PCDHGB6: variants seen among roughly 807,000 people sequenced by gnomAD.
The protein encoded by PCDHGB6 is protocadherin gamma-B6.
PCDHGB6 carries 51 observed loss-of-function variants against 59.1 expected under a neutral mutation model. That is an observed-to-expected ratio of 0.86 (90% CI 0.69 to 1.09). The LOEUF is 1.09. PCDHGB6 is among the 50% of genes least tolerant of loss of function. The pLI is 0.00. For missense variants in PCDHGB6, 1,148 were observed against 1,205.1 expected (o/e 0.95, Z 0.70); for synonymous variants, 466 against 495.1 (o/e 0.94, Z 0.78).
rs1236813956 is a variant in PCDHGB6, at chr5:141,480,634, TTTCAAAC to T, written c.2419-14170_2419-14164del. On this transcript the variant is annotated intron_variant, in intron 1 of 3. Transcript: ENST00000520790. The stretch of plus-strand genomic sequence containing the variant: ...ACTGGCATTTTCCCTAGAACAATGT[TTTCAAAC>T]TTGGTTGCACATTAAAATCACCTAG... Among the ~76,000 whole-genome samples the T allele has an allele frequency of 3.9e-5, 6 of 152,332 alleles. No individual in the cohort carries two copies. In the East Asian group the frequency reaches 1.2e-3, roughly 29 times the overall value.
Position 141,432,405 on chromosome 5 carries a change from GC to G in PCDHGB6, c.2418+21787del. On this transcript the variant is annotated intron_variant, in intron 1 of 3. Coordinates refer to ENST00000520790, the MANE Select transcript of PCDHGB6 (RefSeq NM_018926.3). This position sits in a 1 kb window ranked among gnomAD's most constrained non-coding sequence, Gnocchi z 6.0. ...CCCCTCAGCAGCAACGTGTCGTTGA[GC>G]CTGTTCGTGCTGGACCAGAACGACA... The G allele has an allele frequency of 6.2e-7, 1 of 1,614,246 alleles. No individual in the cohort carries two copies. Among genetic ancestry groups the G allele is most frequent in the South Asian group, 1.1e-5 (1 of 91,084 alleles).
chr5:141,410,796 G>T, intron 1 of PCDHGB6, 176 bp downstream of exon 1: 19 of 640,732 alleles, frequency 3.0e-5, no homozygotes, highest in South Asian at 1.4e-4. Flanking sequence ...TTCATAAGTT[G>T]CTCTATCTTT....
intron 1 of PCDHGB6, chr5:141,422,550 G>A: frequency 6.2e-7 from 1 of 1,613,978 alleles, no homozygotes; most frequent in Non-Finnish European, 8.5e-7. Flanking sequence ...ATGTCTGGCT[G>A]AATGTGGCAG....
Position 141,409,753 on chromosome 5 carries a change from G to T in PCDHGB6, c.1551G>T (p.Gln517His). ...CGCAGAGCGGGGTGGTGTTCGCGCA[G>T]CGCGCCTTTGATCACGAGCAGCTGC... The part of the protein sequence containing the change: ...VSAQSGVVFA[Q>H]RAFDHEQLRA... Residue 517 changes from glutamine (Q) to histidine (H), a missense_variant, in exon 1 of 4, where the codon CAG (glutamine) becomes CAT (histidine). Transcript: ENST00000520790. 6.2e-7 allele frequency: 1 copy of T among 1,613,006 alleles called. No homozygotes were observed.
chr5:141,455,400 C>G (rs537466326), intron 1 of PCDHGB6, among the ~76,000 whole-genome samples: 8 of 152,274 alleles, frequency 5.3e-5, no homozygotes, highest in Admixed American at 5.2e-4. Context: ...CTCCCCCTTA[C>G]AGAGACAGAG....
At chr5:141,475,778 T>A (rs1204790631) in intron 1 of PCDHGB6, among the ~76,000 whole-genome samples, 1 of 152,400 alleles carries the variant, frequency 6.6e-6, no homozygotes. Context: ...GCGCTTTGGC[T>A]GGAAACTCTG....
At chr5:141,483,224 G>A (rs530779494) in intron 1 of PCDHGB6, among the ~76,000 whole-genome samples, 17 of 152,242 alleles carry the variant, frequency 1.1e-4, no homozygotes, top group Middle Eastern at 3.4e-3. Flanking sequence ...AGTCACTGCA[G>A]AAATTTGAAC....
intron 3 of PCDHGB6, among the ~76,000 whole-genome samples, chr5:141,508,937 G>T (rs764041162): frequency 3.0e-4 from 45 of 152,040 alleles, no homozygotes; most frequent in Non-Finnish European, 6.3e-4. Flanking sequence ...AGTTAATTAG[G>T]GAAAACAGAG....
chr5:141,474,985 C>T (rs2099357651), intron 1 of PCDHGB6, among the ~76,000 whole-genome samples: 1 of 152,202 alleles, frequency 6.6e-6, no homozygotes, highest in Non-Finnish European at 1.5e-5. Context: ...TGTTTGGTGA[C>T]AACAATTCTA....
chr5:141,451,813 G>A (rs921877961), intron 1 of PCDHGB6, among the ~76,000 whole-genome samples: 13 of 150,788 alleles, frequency 8.6e-5, no homozygotes, highest in East Asian at 2.0e-4. Context: ...CCCAGGAGGC[G>A]GAGGTTACAG....
At chr5:141,475,819 G>A (rs1232669115) in intron 1 of PCDHGB6, 4 of 350,114 alleles carry the variant, frequency 1.1e-5, no homozygotes, top group Non-Finnish European at 1.6e-5. Context: ...GAAGTTCCTG[G>A]CGCTAGCGCG....
Position 141,477,952 on chromosome 5 carries a change from A to T in PCDHGB6, c.2419-16855A>T, listed in dbSNP as rs907708638. ...CCTGGCTCTCCTACAGTCTCTTGGG[A>T]TCCCCTAACCAGAGCCTTTTTGCCA... On this transcript the variant is annotated intron_variant, in intron 1 of 3. Coordinates refer to ENST00000520790, the MANE Select transcript of PCDHGB6 (RefSeq NM_018926.3). This position sits in a 1 kb window ranked among gnomAD's most constrained non-coding sequence, Gnocchi z 4.9. The T allele has an allele frequency of 1.9e-6, 3 of 1,613,920 alleles. No individual in the cohort carries two copies. The African/African-American group carries it at 4.0e-5, about 22-fold the overall frequency.
At chr5:141,440,822 A>T (rs1561900737) in intron 1 of PCDHGB6, 2 of 152,058 alleles carry the variant, frequency 1.3e-5, no homozygotes, top group Non-Finnish European at 2.9e-5. Context: ...TCAACTCCTG[A>T]TCCTATTGGT....
Position 141,489,805 on chromosome 5 carries a change from A to T in PCDHGB6, c.2419-5002A>T. On this transcript the variant is annotated intron_variant, in intron 1 of 3. Transcript: ENST00000520790. The surrounding 1 kb of genome is among the most constrained non-coding windows in gnomAD (Gnocchi z 4.5). ...GAATGTGAAGACCCTAAAAGATGGG[A>T]AGCCATTCCCAGAGCTGGTGCTAGA... 1 of 1,614,166 alleles carries T rather than the reference A, an allele frequency of 6.2e-7. No individual in the cohort carries two copies. Among genetic ancestry groups the T allele is most frequent in the Non-Finnish European group, 8.5e-7 (1 of 1,180,012 alleles).
intron 2 of PCDHGB6, among the ~76,000 whole-genome samples, chr5:141,502,908 C>G (rs1398336138): frequency 1.5e-5 from 2 of 132,418 alleles, no homozygotes; most frequent in Non-Finnish European, 3.0e-5. Flanking sequence ...TGTTGCCAGG[C>G]TGGAGTGCAG....
intron 2 of PCDHGB6, among the ~76,000 whole-genome samples, chr5:141,495,587 C>T (rs1391263118): frequency 6.6e-6 from 1 of 152,238 alleles, no homozygotes. Context: ...TTCTCCATCT[C>T]TGTCTTAGCT....
chr5:141,490,908 C>T lies in PCDHGB6; in HGVS notation c.2419-3899C>T, dbSNP rs201078924. On this transcript the variant is annotated intron_variant, in intron 1 of 3. Coordinates refer to ENST00000520790, the MANE Select transcript of PCDHGB6 (RefSeq NM_018926.3). This position sits in a 1 kb window ranked among gnomAD's most constrained non-coding sequence, Gnocchi z 5.4. The stretch of plus-strand genomic sequence containing the variant: ...CATCTCTGCATGTGTTTGTCCTAGA[C>T]GAGAATGATAATGCCCCAGCTGTGC... 42 of 1,613,710 alleles carry T rather than the reference C, an allele frequency of 2.6e-5. No homozygotes were observed. The highest frequency in any genetic ancestry group is 8.3e-5 in the Admixed American group (5 of 60,018).
rs187713374 is a variant in PCDHGB6, at chr5:141,430,744, C to G, written c.2418+20124C>G. 2.5e-4 allele frequency: 380 copies of G among 1,498,404 alleles called. 1 individual carries two copies. In the African/African-American group the frequency reaches 4.6e-3, roughly 18 times the overall value. The allele number at this position is 1,498,404 out of a possible 1,614,324, so 92.8% of individuals were successfully genotyped here. A position where few individuals can be genotyped will look rare whatever the true frequency, so the allele number is the denominator to read the frequency against. ...GTTAAGGGCAGAATTGAAAATAATTCTGGAGGAAGATAAGAATGATTCCTG... is the reference window on the plus strand; with the variant it reads ...GTTAAGGGCAGAATTGAAAATAATTGTGGAGGAAGATAAGAATGATTCCTG... On this transcript the variant is annotated intron_variant, in intron 1 of 3. Coordinates refer to ENST00000520790, the MANE Select transcript of PCDHGB6 (RefSeq NM_018926.3).
rs780664832 is a variant in PCDHGB6 at position 141,422,982 on chromosome 5, T to C, written c.2418+12362T>C. On this transcript the variant is annotated intron_variant, in intron 1 of 3. Coordinates refer to ENST00000520790, the MANE Select transcript of PCDHGB6 (RefSeq NM_018926.3). ...AGCTGGCGCCCCGCTCTGCGGAACC[T>C]GGCTACCTGGTGACCAAGGTGGTTG... 2.5e-6 allele frequency: 4 copies of C among 1,614,206 alleles called. No individual in the cohort carries two copies. The South Asian group carries it at 4.4e-5, about 18-fold the overall frequency.
Sources: allele counts gnomAD v4.1 joint callset (sites outside exome capture counted in the v4.1 genomes callset), GRCh38; gene constraint gnomAD v4.1.1; non-coding constraint Gnocchi (gnomAD v3.1); transcripts MANE v1.5; gene names NCBI Gene and HGNC (gene_info 2026-07-23, HGNC 2026-07-21).